Variants in ST8SIA4 observed in about 807,000 individuals in gnomAD.
ST8SIA4 encodes ST8 alpha-N-acetyl-neuraminide alpha-2,8-sialyltransferase 4.
A neutral mutation model predicts 33.9 loss-of-function variants in ST8SIA4; 15 were observed. The ratio of observed to expected loss-of-function variants is 0.44; its 90% CI spans 0.30 to 0.68. The LOEUF is 0.68. Ranked by LOEUF, ST8SIA4 falls within the 30% of genes least tolerant of loss-of-function variation. The probability of loss-of-function intolerance (pLI) is 0.10; values close to 1 mark genes in which losing one functional copy is unlikely to be tolerated. For missense variants in ST8SIA4, 321 were observed against 428.0 expected, an observed-to-expected ratio of 0.75 and a Z score of 2.21; for synonymous variants, 171 against 151.2, an observed-to-expected ratio of 1.13 and a Z score of -0.96.
In ST8SIA4 at chr5:100,861,664, A is replaced by T. The variant is rs1444929115; in HGVS notation, c.504-5268T>A. Among the ~76,000 whole-genome samples the T allele has an allele frequency of 2.0e-5, 3 of 152,182 alleles. No individual in the cohort carries two copies. The East Asian group carries it at 5.8e-4, about 29-fold the overall frequency. ...GCTTAAACTTTAAGAAATAAAAGAT[A>T]TTTAGCTTCATTTCTATTCTTAGCT... is the stretch of plus-strand genomic sequence containing the variant. On this transcript the variant is annotated intron_variant, in intron 3 of 4. Transcript: ENST00000231461.
rs185455221 is a variant in ST8SIA4, at chr5:100,857,502, G to A, written c.504-1106C>T. On this transcript the variant is annotated intron_variant, in intron 3 of 4. Transcript: ENST00000231461. ...GTATTGGGAAAAAGTTGTTTGAATCGATTCAATCAAACCCTTCATGAAAAT... is the reference window on the plus strand; with the variant it reads ...GTATTGGGAAAAAGTTGTTTGAATCAATTCAATCAAACCCTTCATGAAAAT... 2.0e-3 allele frequency among the ~76,000 whole-genome samples: 309 copies of A among 151,748 alleles called. 1 individual carries two copies. The highest frequency in any genetic ancestry group is 7.1e-3 in the African/African-American group (293 of 41,426).
intron 4 of ST8SIA4, chr5:100,849,174 T>G: frequency 1.0e-6 from 1 of 985,336 alleles, no homozygotes; most frequent in Non-Finnish European, 1.2e-6. Context: ...AGTTTTTTTG[T>G]GACAGTTTGA....
rs1316161057 is a variant in ST8SIA4 at position 100,811,771 on chromosome 5, T to C, written c.*76A>G. On this transcript the variant is annotated 3_prime_UTR_variant, in exon 5 of 5. Transcript: ENST00000231461. ...ATTGGTGGATGCTGAAACCCAGCCG[T>C]GTTTTGGATCCTATTTTCAAATCTT... The C allele has an allele frequency of 1.4e-6, 2 of 1,434,978 alleles. No homozygotes were observed. The highest frequency in any genetic ancestry group is 1.9e-6 in the Non-Finnish European group (2 of 1,065,498). 88.9% of individuals were successfully genotyped at this position (1,434,978 alleles called of 1,614,324 possible).
chr5:100,819,125 T>C (rs1750987906), intron 4 of ST8SIA4, among the ~76,000 whole-genome samples: 1 of 152,204 alleles, frequency 6.6e-6, no homozygotes, highest in South Asian at 2.1e-4. Flanking sequence ...ATATACACAA[T>C]AGAATATATT....
intron 3 of ST8SIA4, among the ~76,000 whole-genome samples, chr5:100,872,516 G>A (rs1163206958): frequency 6.6e-6 from 1 of 152,078 alleles, no homozygotes; most frequent in African/African-American, 2.4e-5. Flanking sequence ...CAAGTATCAT[G>A]AGAGGGACCA....
chr5:100,819,634 C>T (rs1308860059), intron 4 of ST8SIA4, among the ~76,000 whole-genome samples: 1 of 152,146 alleles, frequency 6.6e-6, no homozygotes, highest in Non-Finnish European at 1.5e-5. Flanking sequence ...AAATATTCCT[C>T]CTGGCCTGTA....
At chr5:100,899,662 T>C (rs866391939) in intron 1 of ST8SIA4, among the ~76,000 whole-genome samples, 13 of 152,216 alleles carry the variant, frequency 8.5e-5, no homozygotes, top group Middle Eastern at 3.2e-3. Context: ...CAAATATTTA[T>C]ATGACATTAA....
chr5:100,872,836 A>G (rs1469035116), intron 3 of ST8SIA4, among the ~76,000 whole-genome samples: 1 of 151,192 alleles, frequency 6.6e-6, no homozygotes, highest in African/African-American at 2.4e-5. Flanking sequence ...GACCAACCTC[A>G]GTGTACCAAT....
At chr5:100,828,767 G>A (rs1279639028) in intron 4 of ST8SIA4, among the ~76,000 whole-genome samples, 1 of 152,178 alleles carries the variant, frequency 6.6e-6, no homozygotes, top group African/African-American at 2.4e-5. Flanking sequence ...ATTGGTTCAA[G>A]TCAAAAGAGG....
chr5:100,859,127 C>T (rs1751878981), intron 3 of ST8SIA4, among the ~76,000 whole-genome samples: 1 of 152,096 alleles, frequency 6.6e-6, no homozygotes, highest in African/African-American at 2.4e-5. Context: ...CTGTGTTGCA[C>T]TCCAGCAATT....
At chr5:100,867,917 G>A (rs1456207121) in intron 3 of ST8SIA4, among the ~76,000 whole-genome samples, 2 of 151,884 alleles carry the variant, frequency 1.3e-5, no homozygotes, top group African/African-American at 4.8e-5. Flanking sequence ...GTAGGCCAAG[G>A]CAATTTCACA....
At chr5:100,882,920 G>C (rs1386984251) in intron 3 of ST8SIA4, among the ~76,000 whole-genome samples, 1 of 152,262 alleles carries the variant, frequency 6.6e-6, no homozygotes, top group Non-Finnish European at 1.5e-5. Context: ...GTTCGCTGCA[G>C]GGGCGGGGTG....
At chr5:100,878,834 T>C (rs1052655199) in intron 3 of ST8SIA4, among the ~76,000 whole-genome samples, 29 of 152,178 alleles carry the variant, frequency 1.9e-4, no homozygotes, top group Non-Finnish European at 1.0e-4. Context: ...TTCTAAAGTG[T>C]TCATTAGAAA....
Position 100,895,735 on chromosome 5 carries a change from A to G in ST8SIA4, c.164T>C (p.Ile55Thr), listed in dbSNP as rs1205300520. Residue 55 changes from isoleucine (I) to threonine (T), a missense_variant, in exon 2 of 5, where the codon ATC (isoleucine) becomes ACC (threonine). Coordinates refer to ENST00000231461, the MANE Select transcript of ST8SIA4 (RefSeq NM_005668.6). Reference protein sequence around the residue: ...SRSLVNSSDKIIRKAGSSIFQ... With the variant: ...SRSLVNSSDKTIRKAGSSIFQ... ...GATTGAAGAGCCAGCCTTTCGAATG[A>G]TTTTATCAGAGCTATTGACAAGTGA... 1 of 1,612,846 alleles carries G rather than the reference A, an allele frequency of 6.2e-7. No individual in the cohort carries two copies. The highest frequency in any genetic ancestry group is 2.2e-5 in the East Asian group (1 of 44,798).
At chr5:100,879,648 T>C (rs975379198) in intron 3 of ST8SIA4, among the ~76,000 whole-genome samples, 1 of 152,178 alleles carries the variant, frequency 6.6e-6, no homozygotes, top group African/African-American at 2.4e-5. Flanking sequence ...TTCATGCAAA[T>C]TGTTTCATAA....
chr5:100,848,393 A>G (rs1751612139), intron 4 of ST8SIA4, among the ~76,000 whole-genome samples: 1 of 150,296 alleles, frequency 6.7e-6, no homozygotes, highest in South Asian at 2.1e-4. Flanking sequence ...ATATTTGTAT[A>G]TTTTATACTT....
intron 1 of ST8SIA4, 54 bp downstream of exon 1, chr5:100,902,789 T>A: frequency 2.0e-6 from 3 of 1,467,056 alleles, no homozygotes. Context: ...TATATTCACA[T>A]TTCATTTATG....
chr5:100,827,223 A>G (rs984550535), intron 4 of ST8SIA4, among the ~76,000 whole-genome samples: 1 of 152,234 alleles, frequency 6.6e-6, no homozygotes, highest in Non-Finnish European at 1.5e-5. Flanking sequence ...AATATCAAGA[A>G]ATAAATATAA....
chr5:100,849,946 A>C (rs1751655843), intron 4 of ST8SIA4, among the ~76,000 whole-genome samples: 1 of 152,186 alleles, frequency 6.6e-6, no homozygotes, highest in African/African-American at 2.4e-5. Context: ...TTTATCTTAC[A>C]CATATTCGTC....
Sources: allele counts gnomAD v4.1 joint callset (sites outside exome capture counted in the v4.1 genomes callset), GRCh38; gene constraint gnomAD v4.1.1; transcripts MANE v1.5; gene names NCBI Gene and HGNC (gene_info 2026-07-23, HGNC 2026-07-21).